ATIC: variants seen among roughly 807,000 people sequenced by gnomAD.
ATIC encodes the protein bifunctional purine biosynthesis protein ATIC.
ATIC carries 64 observed loss-of-function variants against 72.5 expected under a neutral mutation model. The ratio of observed to expected loss-of-function variants is 0.88; its 90% CI spans 0.72 to 1.09. The LOEUF (loss-of-function observed/expected upper bound fraction) is 1.09. Among genes scored for constraint, ATIC ranks in the 50% least tolerant of loss-of-function variants. The pLI, the probability that ATIC is intolerant of heterozygous loss-of-function variation, is 0.00. For synonymous variants in ATIC, 281 were observed against 267.1 expected, an observed-to-expected ratio of 1.05 and a Z score of -0.51; for missense variants, 787 against 732.4, an observed-to-expected ratio of 1.07 and a Z score of -0.86.
chr2:215,324,898 C>T (rs926526417), intron 4 of ATIC, among the ~76,000 whole-genome samples: 1 of 152,072 alleles, frequency 6.6e-6, no homozygotes, highest in Admixed American at 6.6e-5. Context: ...TAATCTTGTA[C>T]TTTATACTTC....
At chr2:215,368,242 CTTTTA>C in the ATIC span, among the ~76,000 whole-genome samples, 2 of 152,198 alleles carry the variant, frequency 1.3e-5, no homozygotes, top group African/African-American at 4.8e-5. Flanking sequence ...GGAAGCCCAT[CTTTTA>C]TTTTTCCCTT....
chr2:215,312,753 T>G (rs2052667956), intron 2 of ATIC, 129 bp downstream of exon 2: 1 of 1,415,776 alleles, frequency 7.1e-7, no homozygotes, highest in African/African-American at 1.4e-5. Context: ...GTGTAATACT[T>G]CCCCACTTTA....
At chr2:215,314,745 C>G (rs917615396) in intron 2 of ATIC, among the ~76,000 whole-genome samples, 1 of 152,060 alleles carries the variant, frequency 6.6e-6, no homozygotes, top group Non-Finnish European at 1.5e-5. Flanking sequence ...AAGTGATCGC[C>G]CGCCTTGGCC....
At position 215,346,919 on chromosome 2, in the gene ATIC, A is replaced by G; in HGVS notation, c.1481A>G (p.Tyr494Cys). Residue 494 changes from tyrosine (Y) to cysteine (C), a missense_variant, in exon 14 of 16, where the codon TAT becomes TGT. Tyr to Cys is a radical substitution (Grantham distance 194). Coordinates refer to ENST00000236959, the MANE Select transcript of ATIC (RefSeq NM_004044.7). The stretch of plus-strand genomic sequence containing the variant: ...GAAATCTCCAATGCCATCGATCAAT[A>G]TGTGACTGGAACCATTGGCGAGGTG... The part of the protein sequence containing the change: ...RAEISNAIDQ[Y>C]VTGTIGEDED... 6.2e-7 allele frequency: 1 copy of G among 1,614,220 alleles called. No individual in the cohort carries two copies. The highest frequency in any genetic ancestry group is 2.2e-5 in the East Asian group (1 of 44,874).
chr2:215,339,026 A>G (rs1430148295), intron 12 of ATIC, 119 bp downstream of exon 12: 22 of 1,356,240 alleles, frequency 1.6e-5, no homozygotes, highest in South Asian at 3.6e-5. Context: ...GCACACGGCT[A>G]GCTAGCTTAT....
chr2:215,360,997 A>G, the ATIC span: 5 of 157,376 alleles, frequency 3.2e-5, no homozygotes, highest in Admixed American at 2.5e-4. Context: ...AGTGTTTTCA[A>G]TACAATTTTT....
At chr2:215,320,208 G>C (rs1220458290) in intron 4 of ATIC, among the ~76,000 whole-genome samples, 1 of 152,152 alleles carries the variant, frequency 6.6e-6, no homozygotes, top group Non-Finnish European at 1.5e-5. Context: ...AAAGATACTG[G>C]CTGTTTCTCT....
At position 215,332,389 on chromosome 2, in the gene ATIC, T is replaced by C. The variant is rs949640050; in HGVS notation, c.696T>C (p.Asn232=). Residue 232 remains asparagine (N), a synonymous_variant, in exon 8 of 16, where the codon AAT becomes AAC. Transcript: ENST00000236959. ...GTATATTTTTACATTTAGTTCTAAA[T>C]GGAGCCCCTGGATTTATAAACTTGT... ...LQPKLPITVL[N]GAPGFINLCD... is the part of the protein sequence containing the mutation. 6.2e-7 allele frequency: 1 copy of C among 1,614,152 alleles called. No homozygotes were observed.
the ATIC span, among the ~76,000 whole-genome samples, chr2:215,354,852 C>G: frequency 6.6e-6 from 1 of 151,632 alleles, no homozygotes; most frequent in Non-Finnish European, 1.5e-5. Context: ...CTCATTTTCC[C>G]TGACTAACAT....
chr2:215,334,103 G>T (rs1314347513), intron 9 of ATIC, among the ~76,000 whole-genome samples: 2 of 151,170 alleles, frequency 1.3e-5, no homozygotes, highest in Admixed American at 6.6e-5. Context: ...TTGGAATTTG[G>T]TCAATGTAAT....
At chr2:215,362,036 C>G in the ATIC span, 520 of 1,613,984 alleles carry the variant, frequency 3.2e-4, 3 homozygotes, top group Admixed American at 5.0e-4. Context: ...GCCTTCGGGA[C>G]TGGGTTCACC....
intron 2 of ATIC, among the ~76,000 whole-genome samples, chr2:215,317,942 C>T (rs776755770): frequency 1.3e-5 from 2 of 152,044 alleles, no homozygotes; most frequent in Non-Finnish European, 2.9e-5. Flanking sequence ...CCTGAACATA[C>T]ACAACAGTTA....
chr2:215,349,504 T>C, intron 15 of ATIC, 32 bp from the exon 16 acceptor site: 2 of 1,614,102 alleles, frequency 1.2e-6, no homozygotes, highest in Non-Finnish European at 1.7e-6. Flanking sequence ...TTACATAAAA[T>C]CGCGTTTTGA....
downstream of ATIC, chr2:215,349,792 T>A: frequency 6.8e-6 from 10 of 1,478,038 alleles, no homozygotes; most frequent in Non-Finnish European, 9.4e-6. Context: ...TTGTGTTTTA[T>A]GTTAAAGATG....
At chr2:215,333,870 G>A (rs1036877813) in intron 9 of ATIC, among the ~76,000 whole-genome samples, 16 of 151,812 alleles carry the variant, frequency 1.1e-4, no homozygotes, top group South Asian at 4.2e-4. Context: ...GTGAAACCCC[G>A]TCTCTACTAA....
the ATIC span, among the ~76,000 whole-genome samples, chr2:215,358,875 C>G: frequency 4.3e-4 from 66 of 152,314 alleles, 1 homozygote; most frequent in African/African-American, 1.5e-3. Context: ...TTTGCCTAAA[C>G]TGCATTTTTT....
chr2:215,312,112 C>A lies in ATIC; in HGVS notation c.-31C>A. The A allele has an allele frequency of 2.0e-6, 3 of 1,530,588 alleles. No individual in the cohort carries two copies. Among genetic ancestry groups the A allele is most frequent in the Non-Finnish European group, 2.6e-6 (3 of 1,144,976 alleles). The allele number at this position is 1,530,588 out of a possible 1,614,324, so 94.8% of individuals were successfully genotyped here. ...GCACGTGGTGCCGCCGCTGCTGCCTCCCGCTCGCCCTGAACCCAGTGCCTG... is the reference window on the plus strand; with the variant it reads ...GCACGTGGTGCCGCCGCTGCTGCCTACCGCTCGCCCTGAACCCAGTGCCTG... On this transcript the variant is annotated 5_prime_UTR_variant, in exon 1 of 16. Transcript: ENST00000236959.
At chr2:215,318,299 G>A (rs559539947) in intron 3 of ATIC, 66 bp downstream of exon 3, 32 of 1,425,182 alleles carry the variant, frequency 2.2e-5, no homozygotes, top group South Asian at 9.2e-5. Flanking sequence ...AGTTGATAGC[G>A]TCCTAAAATA....
chr2:215,367,954 T>C, the ATIC span: 1 of 1,614,132 alleles, frequency 6.2e-7, no homozygotes, highest in Non-Finnish European at 8.5e-7. Flanking sequence ...CCCACTCATC[T>C]CCAACGGCAT....
Sources: allele counts gnomAD v4.1 joint callset (sites outside exome capture counted in the v4.1 genomes callset), GRCh38; gene constraint gnomAD v4.1.1; transcripts MANE v1.5; gene names NCBI Gene and HGNC (gene_info 2026-07-23, HGNC 2026-07-21).